Variants in ADK observed in about 807,000 individuals in gnomAD.
ADK encodes the protein N6,N6-dimethyladenosine kinase.
Under a neutral mutation model 44.7 loss-of-function variants are expected in ADK, and 24 were observed. That is an observed-to-expected ratio of 0.54 (90% CI 0.39 to 0.76). The LOEUF is 0.76. Ranked by LOEUF, ADK falls within the 30% of genes least tolerant of loss-of-function variation. ADK has a pLI of 0.00. For synonymous variants in ADK, 128 were observed against 142.6 expected (o/e 0.90, Z 0.73); for missense variants, 321 against 425.1 (o/e 0.76, Z 2.15).
chr10:74,462,230 A>T (rs1846195090), intron 6 of ADK, among the ~76,000 whole-genome samples: 1 of 152,002 alleles, frequency 6.6e-6, no homozygotes, highest in Non-Finnish European at 1.5e-5. Context: ...TTTATATTAG[A>T]TAGTTTCTCT....
At position 74,576,559 on chromosome 10, in the gene ADK, C is replaced by T. The variant is rs527507201; in HGVS notation, c.727-12723C>T. Among the ~76,000 whole-genome samples, 187 of 152,046 alleles carry T rather than the reference C, an allele frequency of 1.2e-3. 1 individual carries two copies. The highest frequency in any genetic ancestry group is 4.2e-3 in the African/African-American group (175 of 41,476). On this transcript the variant is annotated intron_variant, in intron 7 of 10. Coordinates refer to ENST00000539909, the MANE Select transcript of ADK (RefSeq NM_006721.4). Reference sequence around the variant, plus strand: ...TTCCCTGGAAAAAATGAGATCAAGTCCTATTCAAAAAGGTCAAGAAGAAAG... The same window carrying T: ...TTCCCTGGAAAAAATGAGATCAAGTTCTATTCAAAAAGGTCAAGAAGAAAG...
intron 9 of ADK, chr10:74,641,623 A>G (rs1223093617): frequency 6.6e-6 from 1 of 152,224 alleles, no homozygotes; most frequent in African/African-American, 2.4e-5. Context: ...ACAGGTTGGG[A>G]TATGTAATTC....
chr10:74,402,235 G>A (rs990648095), intron 6 of ADK, among the ~76,000 whole-genome samples: 6 of 152,036 alleles, frequency 3.9e-5, no homozygotes, highest in East Asian at 1.9e-4. Flanking sequence ...TGCTCTTCTC[G>A]AGGAGTATCT....
In ADK at chr10:74,525,239, C is replaced by T; in HGVS notation, c.556-17C>T. 1 of 1,612,718 alleles carries T rather than the reference C, an allele frequency of 6.2e-7. No individual in the cohort carries two copies. On this transcript the variant is annotated splice_polypyrimidine_tract_variant and intron_variant, in intron 6 of 10. Coordinates refer to ENST00000539909, the MANE Select transcript of ADK (RefSeq NM_006721.4). ...GAGATGGTATTTCTAATTTTCCCTCCTTTTTTCTTCATCCAGGGCTTTTTT... is the reference window on the plus strand; with the variant it reads ...GAGATGGTATTTCTAATTTTCCCTCTTTTTTTCTTCATCCAGGGCTTTTTT...
At chr10:74,494,047 A>G (rs568768136) in intron 6 of ADK, among the ~76,000 whole-genome samples, 49 of 152,294 alleles carry the variant, frequency 3.2e-4, no homozygotes, top group Admixed American at 1.9e-3. Flanking sequence ...GATTTAGTAT[A>G]CTGAATGATG....
intron 3 of ADK, among the ~76,000 whole-genome samples, chr10:74,307,739 A>C (rs1840305603): frequency 6.6e-6 from 1 of 152,174 alleles, no homozygotes; most frequent in African/African-American, 2.4e-5. Context: ...TGTTTCTGGA[A>C]TATTTCTATG....
chr10:74,424,922 T>C (rs1001842550), intron 6 of ADK, among the ~76,000 whole-genome samples: 4 of 152,246 alleles, frequency 2.6e-5, no homozygotes, highest in Admixed American at 1.3e-4. Context: ...AATCCTCTTG[T>C]TTATTTAAAT....
intron 10 of ADK, among the ~76,000 whole-genome samples, chr10:74,671,379 G>T (rs1431949091): frequency 1.3e-5 from 2 of 151,986 alleles, no homozygotes; most frequent in Non-Finnish European, 2.9e-5. Context: ...TGTACTTTTA[G>T]TGGCGACGGG....
intron 6 of ADK, among the ~76,000 whole-genome samples, chr10:74,483,506 C>T (rs975820047): frequency 2.6e-5 from 4 of 152,202 alleles, no homozygotes; most frequent in Non-Finnish European, 5.9e-5. Context: ...CAAATTTCTA[C>T]AGCCAACTTA....
rs1554886024 is a variant in ADK, at chr10:74,596,010, A to AAC, written c.763-4368_763-4367insCA. On this transcript the variant is annotated intron_variant, in intron 8 of 10. Transcript: ENST00000539909. The stretch of plus-strand genomic sequence containing the variant: ...GAAATTCCATCTCAAAAAAAAAAAA[A>AAC]AAAAAACCACTGAAATTCGCTGGAG... Among the ~76,000 whole-genome samples the AAC allele has an allele frequency of 6.6e-3, 989 of 150,606 alleles. 9 individuals carry two copies. Among genetic ancestry groups the AAC allele is most frequent in the African/African-American group, 0.023 (938 of 40,732 alleles).
chr10:74,634,146 C>G (rs1302747157), intron 9 of ADK, among the ~76,000 whole-genome samples: 1 of 152,088 alleles, frequency 6.6e-6, no homozygotes, highest in Non-Finnish European at 1.5e-5. Flanking sequence ...CTTAAAAAAA[C>G]AATAATAATC....
chr10:74,566,307 A>G (rs1281680633), intron 7 of ADK, among the ~76,000 whole-genome samples: 1 of 150,782 alleles, frequency 6.6e-6, no homozygotes, highest in Non-Finnish European at 1.5e-5. Context: ...CCTGGGCTCA[A>G]GTAATCCTCC....
At chr10:74,496,394 T>C (rs1222349446) in intron 6 of ADK, among the ~76,000 whole-genome samples, 1 of 152,186 alleles carries the variant, frequency 6.6e-6, no homozygotes, top group East Asian at 1.9e-4. Context: ...TCATGATAAT[T>C]AATGAATCTC....
chr10:74,354,085 A>G (rs1842057269), intron 4 of ADK, among the ~76,000 whole-genome samples: 1 of 152,246 alleles, frequency 6.6e-6, no homozygotes, highest in South Asian at 2.1e-4. Flanking sequence ...TATACGAATT[A>G]TAACACAAGC....
intron 9 of ADK, among the ~76,000 whole-genome samples, chr10:74,609,198 C>G (rs1300549312): frequency 6.6e-6 from 1 of 152,148 alleles, no homozygotes; most frequent in African/African-American, 2.4e-5. Flanking sequence ...ATCCGCTGAG[C>G]TAGACCACTT....
At chr10:74,299,332 T>TAAAAA (rs35091445) in intron 3 of ADK, among the ~76,000 whole-genome samples, 1 of 134,270 alleles carries the variant, frequency 7.4e-6, no homozygotes, top group Non-Finnish European at 1.6e-5. Context: ...CATCTCTACT[T>TAAAAA]AAAAAAAAAA....
intron 1 of ADK, among the ~76,000 whole-genome samples, chr10:74,185,842 G>GAAAAAAAAAAA (rs71021593): frequency 1.5e-5 from 1 of 65,824 alleles, no homozygotes; most frequent in Non-Finnish European, 3.0e-5. Flanking sequence ...GTCTCAAAAA[G>GAAAAAAAAAAA]AAAAAAAAAA....
At chr10:74,621,304 C>T (rs953566659) in intron 9 of ADK, among the ~76,000 whole-genome samples, 1 of 152,146 alleles carries the variant, frequency 6.6e-6, no homozygotes, top group African/African-American at 2.4e-5. Context: ...TTAGTTTTCC[C>T]AGCATCATTT....
intron 1 of ADK, among the ~76,000 whole-genome samples, chr10:74,177,650 A>G (rs1258786585): frequency 6.6e-6 from 1 of 152,132 alleles, no homozygotes; most frequent in Admixed American, 6.5e-5. Context: ...AAATTGCCTT[A>G]TATACCCAGT....
Sources: allele counts gnomAD v4.1 joint callset (sites outside exome capture counted in the v4.1 genomes callset), GRCh38; gene constraint gnomAD v4.1.1; transcripts MANE v1.5; gene names NCBI Gene and HGNC (gene_info 2026-07-23, HGNC 2026-07-21).